Variants in SLC35E1 observed in about 807,000 individuals in gnomAD.
SLC35E1 encodes solute carrier family 35 member E1.
In SLC35E1, 12 loss-of-function variants were observed where a neutral mutation model predicts 31.0. The observed-to-expected ratio is 0.39, with a 90% confidence interval of 0.25 to 0.63. The LOEUF (loss-of-function observed/expected upper bound fraction) is 0.63, where lower values mean the gene tolerates loss of function less well. Ranked by LOEUF, SLC35E1 falls within the 20% of genes least tolerant of loss-of-function variation. The pLI, the probability that SLC35E1 is intolerant of heterozygous loss-of-function variation, is 0.52. For missense variants in SLC35E1, 429 were observed against 572.2 expected (o/e 0.75, Z 2.55); for synonymous variants, 257 against 264.1 (o/e 0.97, Z 0.26).
chr19:16,568,231 A>G (rs1173439496), intron 2 of SLC35E1, 62 bp from the exon 3 acceptor site: 26 of 1,520,904 alleles, frequency 1.7e-5, no homozygotes, highest in Non-Finnish European at 2.1e-5. Context: ...CACATGCCAC[A>G]GATGCCCAGG....
intron 2 of SLC35E1, among the ~76,000 whole-genome samples, chr19:16,571,058 A>C (rs1238062454): frequency 6.6e-6 from 1 of 151,114 alleles, no homozygotes; most frequent in Non-Finnish European, 1.5e-5. Context: ...AGATTGTGTC[A>C]CTGGACTTCA....
intron 4 of SLC35E1, among the ~76,000 whole-genome samples, chr19:16,564,703 C>T (rs116435636): frequency 0.024 from 3,637 of 152,250 alleles, 52 homozygotes; most frequent in Middle Eastern, 0.044. Context: ...GAACCCCTTC[C>T]CTACCCCCAA....
intron 2 of SLC35E1, among the ~76,000 whole-genome samples, chr19:16,569,465 G>T (rs947963563): frequency 6.6e-6 from 1 of 152,188 alleles, no homozygotes; most frequent in Admixed American, 6.5e-5. Context: ...CAAACATAGT[G>T]ACAGAGAGCC....
chr19:16,550,597 T>G lies in SLC35E1; in HGVS notation c.*3082A>C, dbSNP rs2036351080. On this transcript the variant is annotated 3_prime_UTR_variant, in exon 6 of 6. Coordinates refer to ENST00000595753, the MANE Select transcript of SLC35E1 (RefSeq NM_024881.5). ...AACACAAAAAATTAGCCAGCCGTGG[T>G]GGTGCATGCCTGTAATCCCAGCTAC... The G allele has an allele frequency of 6.6e-6, 1 of 152,362 alleles. No individual in the cohort carries two copies. Among genetic ancestry groups the G allele is most frequent in the African/African-American group, 2.4e-5 (1 of 41,450 alleles). 9.4% of individuals were successfully genotyped at this position (152,362 alleles called of 1,614,324 possible).
intron 2 of SLC35E1, among the ~76,000 whole-genome samples, chr19:16,568,609 C>T (rs1306698877): frequency 1.3e-5 from 2 of 152,196 alleles, no homozygotes; most frequent in Non-Finnish European, 2.9e-5. Context: ...TGGCTCACTG[C>T]AACCTCTGCT....
chr19:16,556,779 C>A, intron 4 of SLC35E1: 1 of 450,852 alleles, frequency 2.2e-6, no homozygotes, highest in South Asian at 1.6e-5. Flanking sequence ...GCTGGAGCTG[C>A]AGGATGTCTA....
chr19:16,556,793 G>C (rs1381141154), intron 4 of SLC35E1: 3 of 462,372 alleles, frequency 6.5e-6, no homozygotes, highest in Non-Finnish European at 1.4e-5. Context: ...ATGTCTACCT[G>C]ACTCCATCTC....
At chr19:16,557,069 T>A (rs2085878502) in intron 4 of SLC35E1, 1 of 436,768 alleles carries the variant, frequency 2.3e-6, no homozygotes, top group Non-Finnish European at 4.8e-6. Flanking sequence ...AGGATTTCCA[T>A]GCTATTTTCT....
At chr19:16,568,602 C>G (rs1164370357) in intron 2 of SLC35E1, among the ~76,000 whole-genome samples, 1 of 152,196 alleles carries the variant, frequency 6.6e-6, no homozygotes, top group Non-Finnish European at 1.5e-5. Context: ...ACAATCGTGG[C>G]TCACTGCAAC....
rs781474495 is a variant in SLC35E1 at position 16,555,102 on chromosome 19, G to C, written c.1002+50C>G. The C allele has an allele frequency of 2.5e-5, 41 of 1,608,592 alleles. No homozygotes were observed. Among genetic ancestry groups the C allele is most frequent in the Non-Finnish European group, 3.2e-5 (38 of 1,177,296 alleles). On this transcript the variant is annotated intron_variant, in intron 5 of 5. Transcript: ENST00000595753. This position sits in a 1 kb window ranked among gnomAD's most constrained non-coding sequence, Gnocchi z 4.1. ...GAGGCCCTTCCTTTTCTGACTTCCT[G>C]GGTGTTGGGGGGCCGGCTTCCTTCC... is the stretch of plus-strand genomic sequence containing the variant.
Position 16,572,211 on chromosome 19 carries a change from G to C in SLC35E1, c.154C>G (p.Leu52Val). ...GTCACCGGGAACGGGAAGGCGCTCA[G>C]GATCACCTTGTTGACCACGTTGCCG... ...AGGNVVNKVILSAFPFPVTVS... is the reference protein window; with the variant it reads ...AGGNVVNKVIVSAFPFPVTVS... Residue 52 changes from leucine (L) to valine (V), a missense_variant, in exon 1 of 6, where the codon CTG becomes GTG. By Grantham distance (32) the Leu-to-Val change is conservative. Coordinates refer to ENST00000595753, the MANE Select transcript of SLC35E1 (RefSeq NM_024881.5). This position sits in a 1 kb window ranked among gnomAD's most constrained non-coding sequence, Gnocchi z 4.1. The C allele has an allele frequency of 6.5e-7, 1 of 1,530,456 alleles. No homozygotes were observed. The highest frequency in any genetic ancestry group is 8.8e-7 in the Non-Finnish European group (1 of 1,137,810). The allele number at this position is 1,530,456 out of a possible 1,614,324, so 94.8% of individuals were successfully genotyped here.
chr19:16,563,418 T>C (rs2085917067), intron 4 of SLC35E1, among the ~76,000 whole-genome samples: 1 of 152,186 alleles, frequency 6.6e-6, no homozygotes. Context: ...TTGCTTATAT[T>C]TGCAAAAATA....
At chr19:16,565,975 C>T (rs986387853) in intron 4 of SLC35E1, 2 of 151,904 alleles carry the variant, frequency 1.3e-5, no homozygotes, top group African/African-American at 2.4e-5. Context: ...CATAGTGAGA[C>T]CCTGTCTCTC....
Position 16,552,987 on chromosome 19 carries a change from G to C in SLC35E1, c.*692C>G, listed in dbSNP as rs556119995. 1 of 152,386 alleles carries C rather than the reference G, an allele frequency of 6.6e-6. No individual in the cohort carries two copies. The highest frequency in any genetic ancestry group is 6.5e-5 in the Admixed American group (1 of 15,300). 9.4% of individuals were successfully genotyped at this position (152,386 alleles called of 1,614,324 possible). The stretch of plus-strand genomic sequence containing the variant: ...AAGTTTCCCTTCCATCTGGATCTGG[G>C]TGGATGCCAACCCTGACGTGCAGGG... On this transcript the variant is annotated 3_prime_UTR_variant, in exon 6 of 6. Transcript: ENST00000595753.
At chr19:16,569,352 C>T (rs1383107178) in intron 2 of SLC35E1, among the ~76,000 whole-genome samples, 3 of 151,116 alleles carry the variant, frequency 2.0e-5, no homozygotes, top group African/African-American at 4.9e-5. Flanking sequence ...TTACATCATC[C>T]GGTCCCGTTA....
At chr19:16,560,262 T>C (rs1020946141) in intron 4 of SLC35E1, among the ~76,000 whole-genome samples, 4 of 152,290 alleles carry the variant, frequency 2.6e-5, no homozygotes, top group Admixed American at 2.6e-4. Context: ...TCCTGAGTAC[T>C]TTCTAGTTTC....
rs973320584 is a variant in SLC35E1, at chr19:16,552,539, T to C, written c.*1140A>G. ...TAGTAGAGATGGGGTTTCACTATGTTGGCCAGGCTGGTCTCGAACTCCTGA... is the reference window on the plus strand; with the variant it reads ...TAGTAGAGATGGGGTTTCACTATGTCGGCCAGGCTGGTCTCGAACTCCTGA... On this transcript the variant is annotated 3_prime_UTR_variant, in exon 6 of 6. Transcript: ENST00000595753. The C allele has an allele frequency of 1.3e-5, 2 of 152,198 alleles. No individual in the cohort carries two copies. The highest frequency in any genetic ancestry group is 1.9e-4 in the East Asian group (1 of 5,186). The allele number at this position is 152,198 out of a possible 1,614,324, so 9.4% of individuals were successfully genotyped here.
intron 2 of SLC35E1, among the ~76,000 whole-genome samples, chr19:16,571,051 TTG>T (rs2085955264): frequency 2.6e-5 from 4 of 151,366 alleles, no homozygotes; most frequent in Admixed American, 2.6e-4. Flanking sequence ...TGAGCTGAGA[TTG>T]TGTCACTGGA....
chr19:16,567,846 G>A (rs1416888585), intron 3 of SLC35E1, among the ~76,000 whole-genome samples, 186 bp downstream of exon 3: 1 of 152,142 alleles, frequency 6.6e-6, no homozygotes, highest in Admixed American at 6.5e-5. Flanking sequence ...GAGCCACTGC[G>A]CCCGGCCAGA....
Sources: allele counts gnomAD v4.1 joint callset (sites outside exome capture counted in the v4.1 genomes callset), GRCh38; gene constraint gnomAD v4.1.1; non-coding constraint Gnocchi (gnomAD v3.1); transcripts MANE v1.5; gene names NCBI Gene and HGNC (gene_info 2026-07-23, HGNC 2026-07-21).